CADPS: variants seen among roughly 807,000 people sequenced by gnomAD.
CADPS encodes the protein calcium dependent secretion activator, also known as calcium-dependent secretion activator 1.
CADPS carries 57 observed loss-of-function variants against 167.3 expected under a neutral mutation model. The ratio of observed to expected loss-of-function variants is 0.34; its 90% CI spans 0.28 to 0.42. The LOEUF (loss-of-function observed/expected upper bound fraction) is 0.42. Ranked by LOEUF, CADPS falls within the 20% of genes least tolerant of loss-of-function variation. CADPS has a pLI of 1.00. For synonymous variants in CADPS, 676 were observed against 635.3 expected (o/e 1.06, Z -0.96); for missense variants, 1,414 against 1,738.1 (o/e 0.81, Z 3.32).
intron 13 of CADPS, among the ~76,000 whole-genome samples, chr3:62,524,018 T>A (rs754176861): frequency 3.3e-5 from 5 of 152,242 alleles, no homozygotes; most frequent in Non-Finnish European, 7.3e-5. Context: ...TCTTAGTAGA[T>A]GTTCTTTGCA....
At chr3:62,786,511 C>T (rs1249450481) in intron 1 of CADPS, among the ~76,000 whole-genome samples, 6 of 152,066 alleles carry the variant, frequency 3.9e-5, no homozygotes, top group Non-Finnish European at 8.8e-5. Context: ...TATGGTGTCA[C>T]ATGCCTGTAG....
At chr3:62,448,625 G>A (rs937817637) in intron 26 of CADPS, among the ~76,000 whole-genome samples, 1 of 151,610 alleles carries the variant, frequency 6.6e-6, no homozygotes, top group Admixed American at 6.6e-5. Context: ...CTTTTTTGGG[G>A]GGGGGTGGTA....
intron 1 of CADPS, among the ~76,000 whole-genome samples, chr3:62,782,011 G>A (rs1453404680): frequency 6.6e-6 from 1 of 152,150 alleles, no homozygotes; most frequent in East Asian, 1.9e-4. Flanking sequence ...ATTTCCTAAT[G>A]TCTCCCTTTA....
At chr3:62,643,598 C>T (rs1297573125) in intron 6 of CADPS, among the ~76,000 whole-genome samples, 1 of 152,194 alleles carries the variant, frequency 6.6e-6, no homozygotes, top group Non-Finnish European at 1.5e-5. Context: ...TAACCATTTA[C>T]AAACACAGGA....
At chr3:62,482,154 C>T (rs544187027) in intron 21 of CADPS, among the ~76,000 whole-genome samples, 3 of 152,290 alleles carry the variant, frequency 2.0e-5, no homozygotes, top group African/African-American at 7.2e-5. Context: ...GTTTCCATAT[C>T]CATTGCCATA....
intron 26 of CADPS, among the ~76,000 whole-genome samples, chr3:62,448,628 G>GC (rs1241877005): frequency 6.6e-6 from 1 of 151,792 alleles, no homozygotes; most frequent in African/African-American, 2.4e-5. Flanking sequence ...TTTTGGGGGG[G>GC]GGTGGTATGG....
chr3:62,506,655 A>G (rs536944030), intron 17 of CADPS, among the ~76,000 whole-genome samples: 2 of 152,246 alleles, frequency 1.3e-5, no homozygotes, highest in South Asian at 4.1e-4. Context: ...TCTCTACTCC[A>G]TGTTATTTTG....
At chr3:62,497,030 T>C (rs942710323) in intron 18 of CADPS, among the ~76,000 whole-genome samples, 1 of 152,232 alleles carries the variant, frequency 6.6e-6, no homozygotes, top group African/African-American at 2.4e-5. Flanking sequence ...ATGTCTACTC[T>C]ATTTAATTTG....
chr3:62,746,432 C>G (rs775662983), intron 3 of CADPS, among the ~76,000 whole-genome samples: 2 of 152,082 alleles, frequency 1.3e-5, no homozygotes, highest in Non-Finnish European at 2.9e-5. Context: ...ACCTCCTGGT[C>G]TCAAGCGATT....
chr3:62,527,350 T>C (rs963224214), intron 13 of CADPS, among the ~76,000 whole-genome samples: 5 of 152,258 alleles, frequency 3.3e-5, no homozygotes, highest in Non-Finnish European at 5.9e-5. Flanking sequence ...TGTTTAATAA[T>C]ATCCCTAGCC....
At chr3:62,847,268 T>A (rs1264177924) in intron 1 of CADPS, among the ~76,000 whole-genome samples, 5 of 148,730 alleles carry the variant, frequency 3.4e-5, no homozygotes, top group African/African-American at 1.3e-4. Flanking sequence ...TTTCTTTTTT[T>A]TTTTTTTTTT....
At chr3:62,715,150 A>G (rs2084197519) in intron 3 of CADPS, among the ~76,000 whole-genome samples, 1 of 152,184 alleles carries the variant, frequency 6.6e-6, no homozygotes. Flanking sequence ...TGAGGATGGA[A>G]GAATGGGGGG....
intron 23 of CADPS, among the ~76,000 whole-genome samples, chr3:62,477,678 T>C (rs2061497751): frequency 6.6e-6 from 1 of 152,200 alleles, no homozygotes; most frequent in Admixed American, 6.5e-5. Flanking sequence ...AGGGAATCTA[T>C]GTGCAGGCAA....
At chr3:62,871,395 T>C (rs1013570291) in intron 1 of CADPS, among the ~76,000 whole-genome samples, 19 of 152,146 alleles carry the variant, frequency 1.2e-4, no homozygotes, top group African/African-American at 3.4e-4. Flanking sequence ...CTATATTTGA[T>C]GGGTGTACAG....
At chr3:62,714,788 A>T (rs1189960675) in intron 3 of CADPS, among the ~76,000 whole-genome samples, 1 of 152,124 alleles carries the variant, frequency 6.6e-6, no homozygotes, top group African/African-American at 2.4e-5. Flanking sequence ...ATATGACACA[A>T]ATTTTTTCTG....
intron 27 of CADPS, chr3:62,440,164 G>C (rs912580871): frequency 1.3e-5 from 2 of 152,076 alleles, no homozygotes; most frequent in African/African-American, 2.4e-5. Flanking sequence ...CATATAGTAG[G>C]GGCCCAGTAA....
chr3:62,596,288 C>A (rs536535477), intron 6 of CADPS, among the ~76,000 whole-genome samples: 1 of 151,468 alleles, frequency 6.6e-6, no homozygotes, highest in Non-Finnish European at 1.5e-5. Context: ...CTCTGCCTCC[C>A]GGGTACAAGT....
chr3:62,630,569 C>T (rs567391789), intron 6 of CADPS, among the ~76,000 whole-genome samples: 2 of 152,202 alleles, frequency 1.3e-5, no homozygotes, highest in Admixed American at 1.3e-4. Flanking sequence ...GTTGGCCAGG[C>T]TGGTCTTTGA....
At chr3:62,825,988 C>T (rs1296754381) in intron 1 of CADPS, among the ~76,000 whole-genome samples, 1 of 152,150 alleles carries the variant, frequency 6.6e-6, no homozygotes, top group Admixed American at 6.6e-5. Context: ...AGAATGTAGA[C>T]TTTGCCAGTC....
Sources: allele counts gnomAD v4.1 joint callset (sites outside exome capture counted in the v4.1 genomes callset), GRCh38; gene constraint gnomAD v4.1.1; transcripts MANE v1.5; gene names NCBI Gene and HGNC (gene_info 2026-07-23, HGNC 2026-07-21).